ELFN2: variants seen among roughly 807,000 people sequenced by gnomAD.
The protein encoded by ELFN2 is extracellular leucine rich repeat and fibronectin type III domain containing 2, also known as protein phosphatase 1 regulatory subunit 29.
ELFN2 carries 17 observed loss-of-function variants against 45.5 expected under a neutral mutation model. That is an observed-to-expected ratio of 0.37 (90% CI 0.26 to 0.56). ELFN2 has a LOEUF of 0.56. Ranked by LOEUF, ELFN2 falls within the 20% of genes least tolerant of loss-of-function variation. ELFN2 has a pLI of 0.77. For missense variants in ELFN2, 922 were observed against 1,183.2 expected (o/e 0.78, Z 3.24); for synonymous variants, 550 against 551.5 (o/e 1.00, Z 0.04).
chr22:37,410,255 G>T (rs1932612908), intron 2 of ELFN2, among the ~76,000 whole-genome samples: 1 of 152,154 alleles, frequency 6.6e-6, no homozygotes. Flanking sequence ...CTCAGCTCAG[G>T]CCCTAGGGTG....
intron 2 of ELFN2, among the ~76,000 whole-genome samples, chr22:37,397,573 C>T (rs375149616): frequency 2.6e-4 from 39 of 152,274 alleles, no homozygotes; most frequent in African/African-American, 8.4e-4. Flanking sequence ...TGGACAGAGC[C>T]CCTGCTGGAA....
At chr22:37,392,277 G>A (rs181653963) in intron 2 of ELFN2, among the ~76,000 whole-genome samples, 1 of 150,498 alleles carries the variant, frequency 6.6e-6, no homozygotes, top group African/African-American at 2.5e-5. Flanking sequence ...CTAGGAACCA[G>A]TTTTTTGTTG....
At chr22:37,386,842 A>T (rs1931960401) in intron 2 of ELFN2, among the ~76,000 whole-genome samples, 1 of 152,076 alleles carries the variant, frequency 6.6e-6, no homozygotes, top group African/African-American at 2.4e-5. Context: ...CAGGGTCCAC[A>T]TTCAGCTCGA....
At position 37,375,153 on chromosome 22, in the gene ELFN2, G is replaced by A. The variant is rs1201984546; in HGVS notation, c.382C>T (p.Arg128Cys). Reference protein sequence around the residue: ...LTEGMLRGMSRLQFLFVQHNL... With the variant: ...LTEGMLRGMSCLQFLFVQHNL... ...TGCTGGACAAAGAGGAACTGCAGGC[G>A]GCTCATGCCTCGCAGCATGCCCTCC... is the stretch of plus-strand genomic sequence containing the variant. Residue 128 changes from arginine (R) to cysteine (C), a missense_variant, in exon 3 of 3, where the codon CGC becomes TGC. This residue lies in a region of ELFN2 where 358 missense variants were observed against 540.4 expected (regional missense o/e 0.66). Coordinates refer to ENST00000402918, the MANE Select transcript of ELFN2 (RefSeq NM_052906.5). 11 of 1,613,832 alleles carry A rather than the reference G, an allele frequency of 6.8e-6. No homozygotes were observed. Among genetic ancestry groups the A allele is most frequent in the East Asian group, 2.2e-5 (1 of 44,890 alleles).
At chr22:37,410,795 A>G (rs1227894756) in intron 2 of ELFN2, among the ~76,000 whole-genome samples, 1 of 152,188 alleles carries the variant, frequency 6.6e-6, no homozygotes, top group East Asian at 1.9e-4. Context: ...AATATGAATG[A>G]GCTGGGATGG....
At chr22:37,404,136 G>A (rs530972839) in intron 2 of ELFN2, among the ~76,000 whole-genome samples, 3 of 152,330 alleles carry the variant, frequency 2.0e-5, no homozygotes, top group East Asian at 1.9e-4. Flanking sequence ...AGGGAGCCCC[G>A]AGGCCGAGCC....
At chr22:37,412,277 C>CAAAAAAAAAAA (rs56073200) in intron 2 of ELFN2, among the ~76,000 whole-genome samples, 3 of 92,276 alleles carry the variant, frequency 3.3e-5, no homozygotes, top group Admixed American at 1.2e-4. Context: ...AACTCCGTCT[C>CAAAAAAAAAAA]AAAAAAAAAA....
At chr22:37,347,346 A>T (rs1930721958) in intron 1 of ELFN2, among the ~76,000 whole-genome samples, 1 of 152,112 alleles carries the variant, frequency 6.6e-6, no homozygotes, top group African/African-American at 2.4e-5. Flanking sequence ...TCCAAATCTG[A>T]AGCTGCAGGT....
Position 37,373,297 on chromosome 22 carries a change from G to A in ELFN2, c.2238C>T (p.Leu746=), listed in dbSNP as rs1931434066. Residue 746 remains leucine (L), a synonymous_variant, in exon 3 of 3, where the codon CTC becomes CTT. Transcript: ENST00000402918. ...RSKRDSTYSQ[L]SPRHYYSGYS... ...ACCCTGAGTAGTAGTGTCTGGGGGA[G>A]AGCTGCGAGTAGGTGGAGTCACGCT... 2 of 1,613,646 alleles carry A rather than the reference G, an allele frequency of 1.2e-6. No individual in the cohort carries two copies. Among genetic ancestry groups the A allele is most frequent in the African/African-American group, 1.3e-5 (1 of 74,942 alleles).
At chr22:37,423,375 CAGAAAGGGCCTTCAGTG>C (rs1489856080) in intron 1 of ELFN2, among the ~76,000 whole-genome samples, 1 of 152,164 alleles carries the variant, frequency 6.6e-6, no homozygotes, top group African/African-American at 2.4e-5. Flanking sequence ...AAGCAAGGCC[CAGAAAGGGCCTTCAGTG>C]AGAGGGGTAG....
intron 1 of ELFN2, among the ~76,000 whole-genome samples, chr22:37,422,197 AACAG>A (rs1034844751): frequency 6.6e-6 from 1 of 152,066 alleles, no homozygotes; most frequent in Non-Finnish European, 1.5e-5. Flanking sequence ...ATGGGAAAGA[AACAG>A]ACACATGCAT....
intron 1 of ELFN2, among the ~76,000 whole-genome samples, chr22:37,344,766 C>A (rs1930655875): frequency 6.6e-6 from 1 of 152,202 alleles, no homozygotes; most frequent in Admixed American, 6.5e-5. Flanking sequence ...CTTCTCCTGT[C>A]CTGGCACCAC....
chr22:37,407,951 C>G (rs1052638084), intron 2 of ELFN2, among the ~76,000 whole-genome samples: 1 of 152,128 alleles, frequency 6.6e-6, no homozygotes, highest in Non-Finnish European at 1.5e-5. Flanking sequence ...GCAGATAATC[C>G]CAACTCATGG....
chr22:37,390,009 T>C (rs1228266849), intron 2 of ELFN2, among the ~76,000 whole-genome samples: 1 of 152,054 alleles, frequency 6.6e-6, no homozygotes, highest in Non-Finnish European at 1.5e-5. Context: ...CCACGGGCCC[T>C]GGGGAGGGGG....
intron 2 of ELFN2, among the ~76,000 whole-genome samples, chr22:37,394,578 G>C (rs781240182): frequency 6.6e-6 from 1 of 152,176 alleles, no homozygotes; most frequent in African/African-American, 2.4e-5. Context: ...GGCCAGCACC[G>C]TGAGTCCTCC....
chr22:37,419,775 C>G (rs1438070128), intron 1 of ELFN2, among the ~76,000 whole-genome samples: 1 of 152,208 alleles, frequency 6.6e-6, no homozygotes, highest in Non-Finnish European at 1.5e-5. Flanking sequence ...CGCCTGCACG[C>G]CACAGCGCTC....
intron 1 of ELFN2, among the ~76,000 whole-genome samples, chr22:37,421,769 G>T (rs538530334): frequency 2.0e-5 from 3 of 152,272 alleles, no homozygotes; most frequent in East Asian, 1.9e-4. Context: ...TTTTTTGAGG[G>T]CCTACCAGTC....
At chr22:37,345,307 G>T (rs912283594) in intron 1 of ELFN2, among the ~76,000 whole-genome samples, 1 of 152,188 alleles carries the variant, frequency 6.6e-6, no homozygotes, top group Non-Finnish European at 1.5e-5. Flanking sequence ...GCAAGGTGAC[G>T]CTGGGAAGTG....
intron 1 of ELFN2, among the ~76,000 whole-genome samples, chr22:37,356,706 A>T (rs1479732574): frequency 6.6e-6 from 1 of 152,198 alleles, no homozygotes; most frequent in Non-Finnish European, 1.5e-5. Flanking sequence ...TCTGTGGGGT[A>T]GTACTGGGTT....
Sources: gnomAD v4.1 joint callset for allele counts (sites outside exome capture counted in the v4.1 genomes callset) on GRCh38, gnomAD v4.1.1 for gene constraint, gnomAD v4.1.1 regional missense constraint, MANE v1.5 for transcripts, NCBI Gene and HGNC (gene_info 2026-07-23, HGNC 2026-07-21) for gene names.